Variants in SORBS2 observed in about 807,000 individuals in gnomAD.
SORBS2 encodes sorbin and SH3 domain-containing protein 2.
In SORBS2, 46 loss-of-function variants were observed where a neutral mutation model predicts 97.7. That is an observed-to-expected ratio of 0.47 (90% CI 0.37 to 0.60). The LOEUF is 0.60. Ranked by LOEUF, SORBS2 falls within the 20% of genes least tolerant of loss-of-function variation. The probability of loss-of-function intolerance (pLI) is 0.00; values close to 1 mark genes in which losing one functional copy is unlikely to be tolerated. For missense variants in SORBS2, 1,316 were observed against 1,282.3 expected, an observed-to-expected ratio of 1.03 and a Z score of -0.40; for synonymous variants, 476 against 473.4, an observed-to-expected ratio of 1.01 and a Z score of -0.07.
intron 4 of SORBS2, among the ~76,000 whole-genome samples, chr4:185,671,088 G>A (rs547087328): frequency 1.4e-4 from 21 of 152,236 alleles, no homozygotes; most frequent in Admixed American, 5.9e-4. Flanking sequence ...CCATTGCCCC[G>A]TTTCCCTAAG....
At chr4:185,801,248 T>C (rs1398914069) in intron 1 of SORBS2, among the ~76,000 whole-genome samples, 1 of 152,240 alleles carries the variant, frequency 6.6e-6, no homozygotes, top group Non-Finnish European at 1.5e-5. Context: ...ATTGTGTGTA[T>C]ATACACCACA....
At chr4:185,785,702 C>T (rs2099053105) in intron 1 of SORBS2, among the ~76,000 whole-genome samples, 2 of 152,192 alleles carry the variant, frequency 1.3e-5, no homozygotes. Flanking sequence ...ACATGCAAAG[C>T]TCTTAAACAA....
chr4:185,799,490 T>C (rs1344382664), intron 1 of SORBS2, among the ~76,000 whole-genome samples: 2 of 152,204 alleles, frequency 1.3e-5, no homozygotes, highest in Non-Finnish European at 2.9e-5. Flanking sequence ...GGACGAGCAT[T>C]AGAGTCCCGC....
chr4:185,656,896 T>C, exon 1 of SORBS2: 1 of 1,259,528 alleles, frequency 7.9e-7, no homozygotes, highest in Non-Finnish European at 1.0e-6. Flanking sequence ...TGTGTATTTT[T>C]CTTCAGACAG....
chr4:185,589,698 A>C (rs1333045877), exon 14 of SORBS2: 1 of 1,608,884 alleles, frequency 6.2e-7, no homozygotes, highest in South Asian at 1.1e-5. Context: ...AGCCGTCATC[A>C]CACTTTTCCA....
chr4:185,798,661 G>A (rs1995193), intron 1 of SORBS2, among the ~76,000 whole-genome samples: 72,431 of 151,942 alleles, frequency 0.48, 17,642 homozygotes, highest in Admixed American at 0.55. Flanking sequence ...AGAAAAAAGC[G>A]TCTCGAAAGC....
At chr4:185,824,612 A>G (rs1042979170) in intron 1 of SORBS2, among the ~76,000 whole-genome samples, 4 of 152,126 alleles carry the variant, frequency 2.6e-5, no homozygotes, top group African/African-American at 7.2e-5. Flanking sequence ...ACTCAACTGA[A>G]CTCAATTCAT....
At chr4:185,804,550 T>G (rs1304289065) in intron 1 of SORBS2, among the ~76,000 whole-genome samples, 1 of 152,244 alleles carries the variant, frequency 6.6e-6, no homozygotes, top group Non-Finnish European at 1.5e-5. Flanking sequence ...AGAAAATGTT[T>G]CTGAGAAATT....
At chr4:185,933,997 A>C (rs904046924) in intron 1 of SORBS2, among the ~76,000 whole-genome samples, 2 of 152,140 alleles carry the variant, frequency 1.3e-5, no homozygotes, top group African/African-American at 2.4e-5. Flanking sequence ...TTTGTTCTCA[A>C]TCAAAAGTCT....
intron 1 of SORBS2, among the ~76,000 whole-genome samples, chr4:185,869,228 A>G (rs1484407756): frequency 1.3e-5 from 2 of 152,156 alleles, no homozygotes; most frequent in Non-Finnish European, 2.9e-5. Flanking sequence ...GGAGAACTGC[A>G]TTGTGACACT....
intron 2 of SORBS2, among the ~76,000 whole-genome samples, chr4:185,704,688 A>G (rs1426939813): frequency 6.6e-6 from 1 of 152,112 alleles, no homozygotes; most frequent in Non-Finnish European, 1.5e-5. Context: ...ATTACCCTGG[A>G]TGTTCCCTCT....
chr4:185,918,883 C>T (rs1358292444), intron 1 of SORBS2, among the ~76,000 whole-genome samples: 3 of 152,152 alleles, frequency 2.0e-5, no homozygotes, highest in Non-Finnish European at 4.4e-5. Flanking sequence ...TCACCCAGTA[C>T]ATCACAATGG....
intron 2 of SORBS2, among the ~76,000 whole-genome samples, chr4:185,650,090 T>G (rs1387255398): frequency 6.6e-6 from 1 of 152,214 alleles, no homozygotes; most frequent in East Asian, 1.9e-4. Flanking sequence ...AAAATTGACA[T>G]GCTAATTGTA....
intron 1 of SORBS2, chr4:185,813,155 TTTTG>T (rs1561193465): frequency 6.6e-6 from 1 of 152,248 alleles, no homozygotes; most frequent in Non-Finnish European, 1.5e-5. Flanking sequence ...TCCCATTTAT[TTTTG>T]TTTCTAGCAA....
At position 185,923,472 on chromosome 4, in the gene SORBS2, A is replaced by ATTTTTTT. The variant is rs535695706; in HGVS notation, c.-338+32717_-338+32723dup. The stretch of plus-strand genomic sequence containing the variant: ...TGCTTGGCTAAGTTTCTTTTTTTTA[A>ATTTTTTT]TTTTTTTTTTTTGTAGAGACAGGAC... On this transcript the variant is annotated intron_variant, in intron 1 of 20. Transcript: ENST00000284776. 2.1e-4 allele frequency among the ~76,000 whole-genome samples: 23 copies of ATTTTTTT among 110,480 alleles called. 1 individual carries two copies. Among genetic ancestry groups the ATTTTTTT allele is most frequent in the East Asian group, 7.8e-4 (3 of 3,870 alleles). The allele number at this position is 110,480 out of a possible 152,430, so 72.5% of individuals were successfully genotyped here.
chr4:185,787,122 C>G lies in SORBS2; in HGVS notation c.-337-11756G>C, dbSNP rs150466081. 8.4e-4 allele frequency among the ~76,000 whole-genome samples: 128 copies of G among 152,230 alleles called. 1 individual carries two copies. The East Asian group carries it at 0.015, about 17-fold the overall frequency. On this transcript the variant is annotated intron_variant, in intron 1 of 20. Coordinates refer to the SORBS2 transcript ENST00000284776. ...TTCAGTAGGCTGTTGTTGCTGTTTA[C>G]CTCTTTTTCCTACTACACTGCAGGC...
chr4:185,624,441 C>G (rs536778814), exon 7 of SORBS2: 14 of 1,613,684 alleles, frequency 8.7e-6, no homozygotes, highest in African/African-American at 1.3e-5. Flanking sequence ...GAGGGGTTGC[C>G]GTTGAGCCCT....
chr4:185,603,649 C>CT (rs1243496973), intron 12 of SORBS2, among the ~76,000 whole-genome samples: 3 of 152,088 alleles, frequency 2.0e-5, no homozygotes, highest in Non-Finnish European at 2.9e-5. Context: ...AGTCTGTCAC[C>CT]TTTTTTCCAA....
chr4:185,724,102 G>T lies in SORBS2; in HGVS notation c.-197-45280C>A, dbSNP rs527992219. On this transcript the variant is annotated intron_variant, in intron 2 of 20. Transcript: ENST00000284776. The stretch of plus-strand genomic sequence containing the variant: ...CAAGGGTCTAATAAATTAGCCTTTC[G>T]TTGTTTCAACTTCCAAGTGAAGTTA... Among the ~76,000 whole-genome samples the T allele has an allele frequency of 2.6e-3, 391 of 152,242 alleles. 4 individuals are homozygous for T. The highest frequency in any genetic ancestry group is 9.1e-3 in the African/African-American group (379 of 41,562).
Sources: allele counts gnomAD v4.1 joint callset (sites outside exome capture counted in the v4.1 genomes callset), GRCh38; gene constraint gnomAD v4.1.1; transcripts MANE v1.5; gene names NCBI Gene and HGNC (gene_info 2026-07-23, HGNC 2026-07-21).